The following KCNIP4 variants were observed in gnomAD, a reference collection of about 807,000 sequenced individuals.
KCNIP4 encodes the protein potassium voltage-gated channel interacting protein 4, also known as Kv channel-interacting protein 4.
KCNIP4 carries 12 observed loss-of-function variants against 34.0 expected under a neutral mutation model. The observed-to-expected ratio is 0.35, with a 90% confidence interval of 0.23 to 0.57. The LOEUF is 0.57. KCNIP4 is among the 20% of genes least tolerant of loss of function. The probability of loss-of-function intolerance (pLI) is 0.83; values close to 1 mark genes in which losing one functional copy is unlikely to be tolerated. For synonymous variants in KCNIP4, 124 were observed against 102.2 expected (o/e 1.21, Z -1.29); for missense variants, 238 against 311.7 (o/e 0.76, Z 1.78).
chr4:20,784,432 T>C (rs1048493034), intron 3 of KCNIP4, among the ~76,000 whole-genome samples: 1 of 152,158 alleles, frequency 6.6e-6, no homozygotes, highest in Non-Finnish European at 1.5e-5. Context: ...TCCTTCTCCC[T>C]CAGACAACTG....
intron 1 of KCNIP4, among the ~76,000 whole-genome samples, chr4:21,127,228 T>A (rs1333009008): frequency 6.6e-6 from 1 of 152,184 alleles, no homozygotes; most frequent in Non-Finnish European, 1.5e-5. Context: ...TGCTTCTGCA[T>A]CCCATTACCA....
intron 1 of KCNIP4, among the ~76,000 whole-genome samples, chr4:21,799,510 A>G (rs578204346): frequency 6.6e-6 from 1 of 152,242 alleles, no homozygotes; most frequent in Non-Finnish European, 1.5e-5. Flanking sequence ...AGGTAGAGGT[A>G]GTGACTAAGA....
chr4:20,992,885 G>T (rs570774438), intron 1 of KCNIP4, among the ~76,000 whole-genome samples: 1 of 151,740 alleles, frequency 6.6e-6, no homozygotes, highest in African/African-American at 2.4e-5. Context: ...AAAATCAGCC[G>T]GGCGCGGCGG....
chr4:21,258,308 G>A (rs1285328490), intron 1 of KCNIP4, among the ~76,000 whole-genome samples: 1 of 152,172 alleles, frequency 6.6e-6, no homozygotes, highest in Non-Finnish European at 1.5e-5. Context: ...TAAACAGTAG[G>A]TGCTCAATAC....
intron 3 of KCNIP4, among the ~76,000 whole-genome samples, chr4:20,797,812 C>T (rs1252841737): frequency 6.6e-6 from 1 of 152,120 alleles, no homozygotes; most frequent in Non-Finnish European, 1.5e-5. Context: ...TGAAATTTGC[C>T]AGGAAGAATG....
chr4:21,805,661 C>T (rs888867286), intron 1 of KCNIP4, among the ~76,000 whole-genome samples: 1 of 152,134 alleles, frequency 6.6e-6, no homozygotes, highest in African/African-American at 2.4e-5. Context: ...CTTTAAAACA[C>T]CTTCATCTGT....
At chr4:20,926,535 TTG>T (rs1164601513) in intron 1 of KCNIP4, among the ~76,000 whole-genome samples, 1 of 152,220 alleles carries the variant, frequency 6.6e-6, no homozygotes, top group Non-Finnish European at 1.5e-5. Context: ...GCTGTTTATA[TTG>T]TGTTTCTGTG....
intron 1 of KCNIP4, among the ~76,000 whole-genome samples, chr4:21,013,768 G>T (rs945418652): frequency 6.6e-6 from 1 of 152,146 alleles, no homozygotes; most frequent in African/African-American, 2.4e-5. Flanking sequence ...TTAAATACAG[G>T]ATGTGACTCA....
chr4:21,561,579 A>G (rs6833891), intron 1 of KCNIP4, among the ~76,000 whole-genome samples: 5,461 of 152,048 alleles, frequency 0.036, 231 homozygotes, highest in East Asian at 0.19. Flanking sequence ...GATGGTGGGC[A>G]GCAGCAGTTC....
chr4:21,727,988 C>T (rs1171034076), intron 1 of KCNIP4, among the ~76,000 whole-genome samples: 2 of 152,156 alleles, frequency 1.3e-5, no homozygotes, highest in African/African-American at 4.8e-5. Flanking sequence ...GTATCTAATA[C>T]TACACTGTAC....
At position 20,882,639 on chromosome 4, in the gene KCNIP4, T is replaced by G. The variant is rs1278490222; in HGVS notation, c.132A>C (p.Ser44=). Reference sequence around the variant, plus strand: ...TAGCAGGAGACGACGTTTTGGCAGCTGAGCAGGGCAAGAGCTTCATGAGCC... The same window carrying G: ...TAGCAGGAGACGACGTTTTGGCAGCGGAGCAGGGCAAGAGCTTCATGAGCC... ...KERLMKLLPC[S]AAKTSSPAIQ... Residue 44 remains serine, a synonymous_variant, in exon 2 of 9, where the codon TCA becomes TCC. Coordinates refer to ENST00000382152, the MANE Select transcript of KCNIP4 (RefSeq NM_025221.6). 2 of 1,613,526 alleles carry G rather than the reference T, an allele frequency of 1.2e-6. No homozygotes were observed. The highest frequency in any genetic ancestry group is 1.7e-4 in the Middle Eastern group (1 of 6,056).
chr4:20,916,475 A>G (rs754836654), intron 1 of KCNIP4: 1 of 354,498 alleles, frequency 2.8e-6, no homozygotes, highest in Non-Finnish European at 3.9e-6. Context: ...TAGTACCATT[A>G]TGAAGTAGAG....
intron 2 of KCNIP4, among the ~76,000 whole-genome samples, chr4:20,875,262 C>T (rs964448927): frequency 1.3e-5 from 2 of 152,162 alleles, no homozygotes; most frequent in Non-Finnish European, 2.9e-5. Flanking sequence ...TGGTAAAGTA[C>T]AGAGACTTTG....
At chr4:20,744,305 C>T (rs1169735442) in intron 5 of KCNIP4, among the ~76,000 whole-genome samples, 2 of 152,202 alleles carry the variant, frequency 1.3e-5, no homozygotes, top group Non-Finnish European at 2.9e-5. Context: ...AAGACACATG[C>T]ACATGTATGT....
chr4:21,071,591 G>GT (rs1242148611), intron 1 of KCNIP4, among the ~76,000 whole-genome samples: 2 of 151,894 alleles, frequency 1.3e-5, no homozygotes, highest in African/African-American at 4.8e-5. Flanking sequence ...TTTTAGAATA[G>GT]TTTTGTCTAT....
intron 1 of KCNIP4, among the ~76,000 whole-genome samples, chr4:21,423,470 C>A (rs563558594): frequency 3.2e-4 from 48 of 152,244 alleles, no homozygotes; most frequent in African/African-American, 1.2e-3. Flanking sequence ...AACATTATAC[C>A]TAGCACAAAG....
At chr4:21,794,008 A>G (rs979495264) in intron 1 of KCNIP4, among the ~76,000 whole-genome samples, 1 of 152,204 alleles carries the variant, frequency 6.6e-6, no homozygotes, top group Non-Finnish European at 1.5e-5. Context: ...GCTGGAAACC[A>G]TCATTCTCAC....
At chr4:21,870,361 G>A (rs1725714095) in intron 1 of KCNIP4, among the ~76,000 whole-genome samples, 1 of 152,208 alleles carries the variant, frequency 6.6e-6, no homozygotes, top group Non-Finnish European at 1.5e-5. Context: ...CTGCCTTGTG[G>A]GGGCTAGGGA....
At position 20,743,932 on chromosome 4, in the gene KCNIP4, C is replaced by A. The variant is rs560253604; in HGVS notation, c.429+5730G>T. ...ATTAAATTTACAAGAAAAAAAAAAACCCTTCAAAAAGTGGGCAAAGGATAT... is the reference window on the plus strand; with the variant it reads ...ATTAAATTTACAAGAAAAAAAAAAAACCTTCAAAAAGTGGGCAAAGGATAT... On this transcript the variant is annotated intron_variant, in intron 5 of 8. Coordinates refer to ENST00000382152, the MANE Select transcript of KCNIP4 (RefSeq NM_025221.6). Among the ~76,000 whole-genome samples, 752 of 151,258 alleles carry A rather than the reference C, an allele frequency of 5.0e-3. 6 individuals are homozygous for A. Among genetic ancestry groups the A allele is most frequent in the African/African-American group, 0.017 (693 of 41,220 alleles).
Sources: gnomAD v4.1 joint callset for allele counts (sites outside exome capture counted in the v4.1 genomes callset) on GRCh38, gnomAD v4.1.1 for gene constraint, MANE v1.5 for transcripts, NCBI Gene and HGNC (gene_info 2026-07-23, HGNC 2026-07-21) for gene names.